The following CSMD1 variants were observed in gnomAD, a reference collection of about 807,000 sequenced individuals.
The protein encoded by CSMD1 is CUB and sushi domain-containing protein 1.
CSMD1 carries 213 observed loss-of-function variants against 417.5 expected under a neutral mutation model. The ratio of observed to expected loss-of-function variants is 0.51; its 90% CI spans 0.46 to 0.57. The LOEUF is 0.57. Ranked by LOEUF, CSMD1 falls within the 20% of genes least tolerant of loss-of-function variation. CSMD1 has a pLI of 0.00. For missense variants in CSMD1, 6,923 were observed against 4,529.7 expected (o/e 1.53, Z -15.17); for synonymous variants, 2,862 against 1,736.8 (o/e 1.65, Z -16.11).
At chr8:4,680,983 A>T (rs372764928) in intron 1 of CSMD1, among the ~76,000 whole-genome samples, 16 of 138,612 alleles carry the variant, frequency 1.2e-4, no homozygotes, top group African/African-American at 3.5e-4. Flanking sequence ...TGTGAGAGAG[A>T]GAGAGAGAGA....
intron 3 of CSMD1, among the ~76,000 whole-genome samples, chr8:4,126,980 G>T (rs11787129): frequency 7.9e-5 from 12 of 152,092 alleles, no homozygotes; most frequent in Non-Finnish European, 1.8e-4. Flanking sequence ...GCTGATGCTG[G>T]TGCACATTCG....
At chr8:4,852,144 T>G (rs905212157) in intron 1 of CSMD1, among the ~76,000 whole-genome samples, 1 of 152,214 alleles carries the variant, frequency 6.6e-6, no homozygotes, top group Admixed American at 6.5e-5. Context: ...ACCATATATG[T>G]TTGTTTACTC....
chr8:4,137,706 C>T (rs1017391736), intron 3 of CSMD1, among the ~76,000 whole-genome samples: 1 of 121,404 alleles, frequency 8.2e-6, no homozygotes, highest in Admixed American at 8.7e-5. Flanking sequence ...GAGATCACAT[C>T]GATAAAGATA....
rs557380352 is a variant in CSMD1 at position 4,031,888 on chromosome 8, C to A, written c.610+17G>T. The A allele has an allele frequency of 1.3e-6, 2 of 1,594,210 alleles. No individual in the cohort carries two copies. Among genetic ancestry groups the A allele is most frequent in the South Asian group, 2.2e-5 (2 of 89,052 alleles). ...CTGCCCTGGAGTCTGCTCACCAGCC[C>A]CCTTGTAGCACTGTACCTCTGCAAA... On this transcript the variant is annotated intron_variant, in intron 4 of 69. Transcript: ENST00000635120.
chr8:3,480,848 G>A (rs1029855500), intron 11 of CSMD1, among the ~76,000 whole-genome samples: 2 of 152,014 alleles, frequency 1.3e-5, no homozygotes, highest in Non-Finnish European at 2.9e-5. Context: ...CGTATAATTT[G>A]TTTTTGCAAA....
chr8:3,968,059 C>A (rs573128758), intron 5 of CSMD1, among the ~76,000 whole-genome samples: 1 of 147,182 alleles, frequency 6.8e-6, no homozygotes, highest in Non-Finnish European at 1.5e-5. Flanking sequence ...TGGTGGCGGG[C>A]GCCTGTAGTC....
At chr8:3,380,510 C>G (rs1002182337) in intron 18 of CSMD1, among the ~76,000 whole-genome samples, 1 of 152,126 alleles carries the variant, frequency 6.6e-6, no homozygotes, top group Admixed American at 6.5e-5. Flanking sequence ...CAATGATAGG[C>G]TGGATAAAGA....
chr8:3,834,371 G>A (rs1197886541), intron 5 of CSMD1, among the ~76,000 whole-genome samples: 1 of 152,032 alleles, frequency 6.6e-6, no homozygotes, highest in Non-Finnish European at 1.5e-5. Context: ...AACCTTGTCT[G>A]CAGTTAATCA....
chr8:4,291,984 T>G (rs534104202), intron 3 of CSMD1, among the ~76,000 whole-genome samples: 6 of 152,306 alleles, frequency 3.9e-5, no homozygotes, highest in African/African-American at 1.2e-4. Context: ...TCATCAGAGT[T>G]TGAGACGCCA....
chr8:3,336,660 G>C (rs1437084529), intron 23 of CSMD1, among the ~76,000 whole-genome samples: 1 of 152,156 alleles, frequency 6.6e-6, no homozygotes, highest in African/African-American at 2.4e-5. Context: ...ACAGAGCCCT[G>C]TGCCCCCATC....
rs544202821 is a variant in CSMD1, at chr8:4,220,730, T to A, written c.416-188631A>T. 9.2e-5 allele frequency among the ~76,000 whole-genome samples: 14 copies of A among 152,276 alleles called. No homozygotes were observed. In the South Asian group the frequency reaches 2.9e-3, roughly 32 times the overall value. ...TGCATGCATTGAGCAATTCACTAGC[T>A]GGGATGAGAAAGACAGAGAAACAGG... is the stretch of plus-strand genomic sequence containing the variant. On this transcript the variant is annotated intron_variant, in intron 3 of 69. Transcript: ENST00000635120.
At chr8:3,846,546 G>C (rs563435612) in intron 5 of CSMD1, among the ~76,000 whole-genome samples, 9 of 152,182 alleles carry the variant, frequency 5.9e-5, no homozygotes, top group South Asian at 2.1e-4. Context: ...AATTGGGCTA[G>C]AGCATATGAA....
intron 3 of CSMD1, among the ~76,000 whole-genome samples, chr8:4,348,673 CT>C (rs1376948619): frequency 1.3e-5 from 2 of 151,026 alleles, no homozygotes; most frequent in African/African-American, 4.9e-5. Context: ...GAGAGAGACT[CT>C]TTTGCGTACA....
rs577683654 is a variant in CSMD1, at chr8:3,077,352, A to G, written c.7474+9745T>C. On this transcript the variant is annotated intron_variant, in intron 49 of 69. Transcript: ENST00000635120. The stretch of plus-strand genomic sequence containing the variant: ...TGCCTGGGGACTGAGCCCTGAAATG[A>G]GAAGATGAGAAGCAACTCCACACCT... 2.6e-5 allele frequency among the ~76,000 whole-genome samples: 4 copies of G among 152,260 alleles called. No homozygotes were observed. The South Asian group carries it at 8.3e-4, about 32-fold the overall frequency.
intron 3 of CSMD1, among the ~76,000 whole-genome samples, chr8:4,405,292 TATTG>T: frequency 6.6e-6 from 1 of 152,338 alleles, no homozygotes. Context: ...TATCATAGCA[TATTG>T]AAATAACTTC....
intron 3 of CSMD1, among the ~76,000 whole-genome samples, chr8:4,272,525 T>C (rs1431447525): frequency 6.6e-6 from 1 of 152,180 alleles, no homozygotes; most frequent in African/African-American, 2.4e-5. Context: ...AGAAACCACA[T>C]GCATAACAAG....
intron 3 of CSMD1, among the ~76,000 whole-genome samples, chr8:4,315,737 A>C (rs997277699): frequency 6.6e-6 from 1 of 152,216 alleles, no homozygotes; most frequent in African/African-American, 2.4e-5. Flanking sequence ...TGCAAAAAAG[A>C]AACTGAATGA....
At chr8:4,192,800 A>C (rs539423689) in intron 3 of CSMD1, among the ~76,000 whole-genome samples, 48 of 152,190 alleles carry the variant, frequency 3.2e-4, no homozygotes, top group African/African-American at 1.0e-3. Flanking sequence ...CTCAAACACA[A>C]CCTCCTCACT....
chr8:4,323,359 T>G (rs190861342), intron 3 of CSMD1, among the ~76,000 whole-genome samples: 2 of 152,184 alleles, frequency 1.3e-5, no homozygotes, highest in African/African-American at 4.8e-5. Context: ...AAATATAAAC[T>G]TATGTTCTTT....
Sources: allele counts gnomAD v4.1 joint callset (sites outside exome capture counted in the v4.1 genomes callset), GRCh38; gene constraint gnomAD v4.1.1; transcripts MANE v1.5; gene names NCBI Gene and HGNC (gene_info 2026-07-23, HGNC 2026-07-21).